Variants in ANKRD28 observed in about 807,000 individuals in gnomAD.
ANKRD28 encodes ankyrin repeat domain 28.
Under a neutral mutation model 126.5 loss-of-function variants are expected in ANKRD28, and 44 were observed. That is an observed-to-expected ratio of 0.35 (90% CI 0.27 to 0.45). ANKRD28 has a LOEUF of 0.45. Ranked by LOEUF, ANKRD28 falls within the 20% of genes least tolerant of loss-of-function variation. The probability of loss-of-function intolerance (pLI) is 1.00; values close to 1 mark genes in which losing one functional copy is unlikely to be tolerated. For missense variants in ANKRD28, 1,110 were observed against 1,316.6 expected, an observed-to-expected ratio of 0.84 and a Z score of 2.43; for synonymous variants, 442 against 468.5, an observed-to-expected ratio of 0.94 and a Z score of 0.73.
chr3:15,698,299 A>C (rs6442538), intron 14 of ANKRD28, among the ~76,000 whole-genome samples: 71,414 of 152,008 alleles, frequency 0.47, 19,686 homozygotes, highest in Middle Eastern at 0.6. Flanking sequence ...AATGGGCAAA[A>C]ACTGGAAGCA....
At chr3:15,681,985 C>T (rs1328774317) in intron 21 of ANKRD28, among the ~76,000 whole-genome samples, 1 of 152,084 alleles carries the variant, frequency 6.6e-6, no homozygotes, top group Non-Finnish European at 1.5e-5. Context: ...TACTAAGATA[C>T]AGCAATGGAA....
Position 15,724,322 on chromosome 3 carries a change from A to G in ANKRD28, c.783+60T>C, listed in dbSNP as rs145835334. On this transcript the variant is annotated intron_variant, in intron 7 of 27. Coordinates refer to ENST00000683139, the MANE Select transcript of ANKRD28 (RefSeq NM_001349278.2). ...CTTAAACCTGAAATAACTTGTCAAT[A>G]ATGTAATAGTAAGTATAAAAGGGTT... 4 of 1,366,894 alleles carry G rather than the reference A, an allele frequency of 2.9e-6. No individual in the cohort carries two copies. In the African/African-American group the frequency reaches 5.9e-5, roughly 20 times the overall value. The allele number at this position is 1,366,894 out of a possible 1,614,324, so 84.7% of individuals were successfully genotyped here. A position where few individuals can be genotyped will look rare whatever the true frequency, so the allele number is the denominator to read the frequency against.
In ANKRD28 at chr3:15,749,095, G is replaced by GTTTTT. The variant is rs1357402514; in HGVS notation, c.351+2650_351+2654dup. ...ATTTTCCTTTCATATTCTATATTAT[G>GTTTTT]TTTTTGTTTTTTTTTTTTTTTTTTT... On this transcript the variant is annotated intron_variant, in intron 4 of 27. Coordinates refer to ENST00000683139, the MANE Select transcript of ANKRD28 (RefSeq NM_001349278.2). 7.9e-4 allele frequency among the ~76,000 whole-genome samples: 84 copies of GTTTTT among 106,982 alleles called. 9 individuals carry two copies. Among genetic ancestry groups the GTTTTT allele is most frequent in the African/African-American group, 2.2e-3 (51 of 23,702 alleles). The allele number at this position is 106,982 out of a possible 152,430, so 70.2% of individuals were successfully genotyped here. A position where few individuals can be genotyped will look rare whatever the true frequency, so the allele number is the denominator to read the frequency against.
Position 15,844,352 on chromosome 3 carries a change from A to G in ANKRD28, c.27+15025T>C, listed in dbSNP as rs1361919667. Among the ~76,000 whole-genome samples the G allele has an allele frequency of 2.0e-5, 3 of 152,208 alleles. No homozygotes were observed. In the East Asian group the frequency reaches 5.8e-4, roughly 29 times the overall value. On this transcript the variant is annotated intron_variant, in intron 1 of 27. Transcript: ENST00000399451. ...GTCAGTTTGTGGCGAAAGGGAACCA[A>G]ACAGATTAGATGAAGTAGGTTCCAA...
At chr3:15,723,820 A>G (rs180918784) in intron 7 of ANKRD28, among the ~76,000 whole-genome samples, 21 of 152,328 alleles carry the variant, frequency 1.4e-4, no homozygotes, top group Admixed American at 1.2e-3. Context: ...ACTTATGTTT[A>G]AAGGATGGCT....
chr3:15,764,017 A>T (rs2058621701), intron 3 of ANKRD28, among the ~76,000 whole-genome samples: 1 of 152,240 alleles, frequency 6.6e-6, no homozygotes, highest in South Asian at 2.1e-4. Context: ...TGAGACCAGG[A>T]GTTCAAGACC....
exon 1 of ANKRD28, chr3:15,859,421 C>T: frequency 1.3e-6 from 2 of 1,523,602 alleles, no homozygotes; most frequent in African/African-American, 2.8e-5. Context: ...GCCTCCGCGC[C>T]CACTCCAGCC....
At chr3:15,850,387 A>G (rs2061627565) in intron 1 of ANKRD28, among the ~76,000 whole-genome samples, 1 of 152,048 alleles carries the variant, frequency 6.6e-6, no homozygotes, top group Middle Eastern at 3.4e-3. Context: ...CATAACAGAT[A>G]ACCATAAATT....
rs2061690246 is a variant in ANKRD28, at chr3:15,853,240, T to C, written c.27+6137A>G. On this transcript the variant is annotated intron_variant, in intron 1 of 27. Transcript: ENST00000399451. This position sits in a 1 kb window ranked among gnomAD's most constrained non-coding sequence, Gnocchi z 4.2. Reference sequence around the variant, plus strand: ...GATATGATGTGAACCGCCCATAGGATACATTATTCAAAACAAAAGACCTAA... The same window carrying C: ...GATATGATGTGAACCGCCCATAGGACACATTATTCAAAACAAAAGACCTAA... 6.6e-6 allele frequency among the ~76,000 whole-genome samples: 1 copy of C among 152,164 alleles called. No homozygotes were observed. The highest frequency in any genetic ancestry group is 1.5e-5 in the Non-Finnish European group (1 of 68,022).
intron 3 of ANKRD28, among the ~76,000 whole-genome samples, chr3:15,755,690 G>A (rs7651667): frequency 0.038 from 5,732 of 152,272 alleles, 357 homozygotes; most frequent in African/African-American, 0.13. Flanking sequence ...AACAGTCTTT[G>A]TAGAGAGAAA....
At chr3:15,734,726 T>G (rs2074901298) in intron 6 of ANKRD28, among the ~76,000 whole-genome samples, 1 of 152,204 alleles carries the variant, frequency 6.6e-6, no homozygotes, top group Non-Finnish European at 1.5e-5. Context: ...AAGCGAGCAT[T>G]TCTATTCTGC....
rs369724025 is a variant in ANKRD28 at position 15,824,251 on chromosome 3, C to T, written c.28-28945G>A. Among the ~76,000 whole-genome samples, 438 of 152,310 alleles carry T rather than the reference C, an allele frequency of 2.9e-3. 1 individual carries two copies. Among genetic ancestry groups the T allele is most frequent in the African/African-American group, 9.9e-3 (411 of 41,570 alleles). ...CTCACTGCAACCTCCGCCTCCTGGG[C>T]TCAAGCGATCCTCCCACTTCAGCCT... On this transcript the variant is annotated intron_variant, in intron 1 of 27. Transcript: ENST00000399451.
In ANKRD28 at chr3:15,740,834, T is replaced by G. The variant is rs77860951; in HGVS notation, c.352-3601A>C. Among the ~76,000 whole-genome samples, 622 of 152,152 alleles carry G rather than the reference T, an allele frequency of 4.1e-3. 12 individuals carry two copies. Among genetic ancestry groups the G allele is most frequent in the Admixed American group, 0.028 (423 of 15,296 alleles). Reference sequence around the variant, plus strand: ...CTAAATAAGACAATAAACATAGCAATTAAGACACTAGAGTATCAAGACAGA... The same window carrying G: ...CTAAATAAGACAATAAACATAGCAAGTAAGACACTAGAGTATCAAGACAGA... On this transcript the variant is annotated intron_variant, in intron 4 of 27. Coordinates refer to ENST00000683139, the MANE Select transcript of ANKRD28 (RefSeq NM_001349278.2).
intron 6 of ANKRD28, among the ~76,000 whole-genome samples, chr3:15,725,517 T>C (rs2074088922): frequency 6.6e-6 from 1 of 152,180 alleles, no homozygotes; most frequent in Non-Finnish European, 1.5e-5. Context: ...AAATATTGCA[T>C]CTTGTTTCTT....
intron 16 of ANKRD28, 84 bp from the exon 17 acceptor site, chr3:15,694,897 T>G: frequency 7.7e-7 from 1 of 1,301,600 alleles, no homozygotes; most frequent in Non-Finnish European, 1.1e-6. Flanking sequence ...AAATCCACCT[T>G]AGAGTATTAT....
At chr3:15,724,132 C>T (rs2073989751) in intron 7 of ANKRD28, among the ~76,000 whole-genome samples, 3 of 152,070 alleles carry the variant, frequency 2.0e-5, no homozygotes, top group Admixed American at 2.0e-4. Flanking sequence ...GGGCCTGGAA[C>T]GTGATATAGA....
Position 15,767,264 on chromosome 3 carries a change from A to G in ANKRD28, c.202-952T>C, listed in dbSNP as rs144577380. Among the ~76,000 whole-genome samples, 31 of 152,288 alleles carry G rather than the reference A, an allele frequency of 2.0e-4. 1 individual carries two copies. The East Asian group carries it at 5.4e-3, about 27-fold the overall frequency. On this transcript the variant is annotated intron_variant, in intron 2 of 27. Coordinates refer to ENST00000683139, the MANE Select transcript of ANKRD28 (RefSeq NM_001349278.2). ...ATTCAGGGATTTTTAATTCATAGAT[A>G]CCCTATCTAAAGTTACAACAGAGTA... is the stretch of plus-strand genomic sequence containing the variant.
intron 2 of ANKRD28, 127 bp from the exon 3 acceptor site, chr3:15,766,439 A>G (rs1168595777): frequency 1.5e-6 from 1 of 660,388 alleles, no homozygotes; most frequent in East Asian, 2.7e-5. Context: ...TATTACTTCT[A>G]TAACTCTAGC....
Position 15,707,986 on chromosome 3 carries a change from A to C in ANKRD28, c.1485T>G (p.Asn495Lys). The change falls in exon 14 of 28, where the codon AAT becomes AAG. Residue 495 changes from asparagine to lysine, a missense_variant. Transcript: ENST00000683139. ...GTGTGCAGCCTCTTTCATCAAGGTC[A>C]TTCACACTTGCTCCTGATCCCACAA... ...FALVGSGASV[N>K]DLDERGCTPL... is the part of the protein sequence containing the mutation. The C allele has an allele frequency of 6.2e-7, 1 of 1,612,404 alleles. No homozygotes were observed. The highest frequency in any genetic ancestry group is 8.5e-7 in the Non-Finnish European group (1 of 1,179,248).
Sources: allele counts gnomAD v4.1 joint callset (sites outside exome capture counted in the v4.1 genomes callset), GRCh38; gene constraint gnomAD v4.1.1; non-coding constraint Gnocchi (gnomAD v3.1); transcripts MANE v1.5; gene names NCBI Gene and HGNC (gene_info 2026-07-23, HGNC 2026-07-21).